Variants in METTL8 observed in about 807,000 individuals in gnomAD.
METTL8 encodes the protein tRNA N(3)-cytidine methyltransferase METTL8, mitochondrial.
In METTL8, 32 loss-of-function variants were observed where a neutral mutation model predicts 48.7. The ratio of observed to expected loss-of-function variants is 0.66; its 90% CI spans 0.50 to 0.88. The LOEUF (loss-of-function observed/expected upper bound fraction) is 0.88. Among genes scored for constraint, METTL8 ranks in the 40% least tolerant of loss-of-function variants. The probability of loss-of-function intolerance (pLI) is 0.00; values close to 1 mark genes in which losing one functional copy is unlikely to be tolerated. For missense variants in METTL8, 464 were observed against 474.4 expected (o/e 0.98, Z 0.20); for synonymous variants, 136 against 157.1 (o/e 0.87, Z 1.01).
At position 171,433,077 on chromosome 2, in the gene METTL8, C is replaced by G. The variant is rs892699580; in HGVS notation, c.-13+806G>C. 3.9e-5 allele frequency: 6 copies of G among 152,298 alleles called. No individual in the cohort carries two copies. The East Asian group carries it at 1.2e-3, about 29-fold the overall frequency. 9.4% of individuals were successfully genotyped at this position (152,298 alleles called of 1,614,324 possible). A position where few individuals can be genotyped will look rare whatever the true frequency, so the allele number is the denominator to read the frequency against. On this transcript the variant is annotated intron_variant, in intron 1 of 9. Coordinates refer to ENST00000375258, the MANE Select transcript of METTL8 (RefSeq NM_001321154.2). ...GTGGCTGAAGCCTATCCCCTCAGCT[C>G]AGGGTGCAAGGTGGGAACCAACCCT...
chr2:171,381,963 T>C (rs1687591801), intron 2 of METTL8, among the ~76,000 whole-genome samples: 1 of 152,072 alleles, frequency 6.6e-6, no homozygotes, highest in South Asian at 2.1e-4. Flanking sequence ...TTTGTATTTT[T>C]AGTAGAGACG....
intron 1 of METTL8, among the ~76,000 whole-genome samples, chr2:171,430,267 A>G (rs1692857052): frequency 6.6e-6 from 1 of 151,852 alleles, no homozygotes; most frequent in African/African-American, 2.4e-5. Flanking sequence ...CTGAGGCAGG[A>G]GAATCACTTG....
intron 3 of METTL8, among the ~76,000 whole-genome samples, chr2:171,357,178 C>T (rs573375562): frequency 1.3e-5 from 2 of 151,852 alleles, no homozygotes; most frequent in East Asian, 1.9e-4. Flanking sequence ...AGGCTGGTCT[C>T]GAACACCTGG....
rs756815632 is a variant in METTL8, at chr2:171,325,870, T to C, written c.1004A>G (p.Asp335Gly). Residue 335 changes from aspartate to glycine, a missense_variant, in exon 9 of 10, where the codon GAT (aspartate) becomes GGT (glycine). Transcript: ENST00000375258. Reference sequence around the variant, plus strand: ...TGTAAAGAAATATGCTCTGGTACCATCTCCTCGAACATAAAAATTTTCAGA... The same window carrying C: ...TGTAAAGAAATATGCTCTGGTACCACCTCCTCGAACATAAAAATTTTCAGA... ...CLSENFYVRG[D>G]GTRAYFFTKG... 6.3e-7 allele frequency: 1 copy of C among 1,599,290 alleles called. No homozygotes were observed.
intron 7 of METTL8, 116 bp downstream of exon 7, chr2:171,330,443 A>G (rs760003503): frequency 1.1e-5 from 11 of 965,682 alleles, no homozygotes; most frequent in Non-Finnish European, 1.6e-5. Flanking sequence ...TATTATACAT[A>G]ATGTTGCTCA....
intron 2 of METTL8, among the ~76,000 whole-genome samples, chr2:171,378,974 G>A (rs963052913): frequency 6.6e-6 from 1 of 152,110 alleles, no homozygotes; most frequent in South Asian, 2.1e-4. Flanking sequence ...AGTGCCATAT[G>A]GCACTTCCTC....
chr2:171,370,264 T>C (rs1686183111), intron 2 of METTL8, among the ~76,000 whole-genome samples: 1 of 152,184 alleles, frequency 6.6e-6, no homozygotes, highest in Admixed American at 6.5e-5. Flanking sequence ...GTCCAAACAT[T>C]ACTTTATTGT....
rs1684610475 is a variant in METTL8 at position 171,323,040 on chromosome 2, T to C, written c.*1132A>G. ...GCCGGCTTCTTCACTGCAACCTGTT[T>C]TATCAGCAAGGTCTGTATGACCTGT... On this transcript the variant is annotated 3_prime_UTR_variant, in exon 10 of 10. Transcript: ENST00000375258. 6.6e-6 allele frequency: 1 copy of C among 152,044 alleles called. No individual in the cohort carries two copies. The highest frequency in any genetic ancestry group is 2.4e-5 in the African/African-American group (1 of 41,392). 9.4% of individuals were successfully genotyped at this position (152,044 alleles called of 1,614,324 possible). A position where few individuals can be genotyped will look rare whatever the true frequency, so the allele number is the denominator to read the frequency against.
At chr2:171,364,716 T>G (rs1685542680) in intron 2 of METTL8, among the ~76,000 whole-genome samples, 1 of 152,210 alleles carries the variant, frequency 6.6e-6, no homozygotes, top group South Asian at 2.1e-4. Flanking sequence ...AGTTGGATAC[T>G]AAAGTTTTTG....
At chr2:171,414,095 A>T (rs1423011048) in intron 1 of METTL8, among the ~76,000 whole-genome samples, 1 of 152,184 alleles carries the variant, frequency 6.6e-6, no homozygotes, top group African/African-American at 2.4e-5. Context: ...TTGTACATGC[A>T]TAGAAAGGAA....
intron 2 of METTL8, among the ~76,000 whole-genome samples, chr2:171,377,404 A>G (rs1687083481): frequency 1.3e-5 from 2 of 152,254 alleles, no homozygotes; most frequent in East Asian, 3.8e-4. Flanking sequence ...AGTTAAGCTG[A>G]AAAGCTTCTG....
chr2:171,375,178 T>G, intron 2 of METTL8: 1 of 1,466,096 alleles, frequency 6.8e-7, no homozygotes, highest in Non-Finnish European at 9.4e-7. Flanking sequence ...CTTAATGGCC[T>G]TGTCCTTGGG....
At chr2:171,434,682 C>T (rs1357855686), upstream of METTL8, 3 of 1,503,000 alleles carry the variant, frequency 2.0e-6, no homozygotes, top group Non-Finnish European at 2.6e-6. Context: ...ACCTGGGCAT[C>T]CTGCGGGCGC....
In METTL8 at chr2:171,339,635, C is replaced by G. The variant is rs148555094; in HGVS notation, c.236-81G>C. ...AGCTACTGTCTTGATAATTGTTAAA[C>G]ATATACATTATCATTTATAACAATT... On this transcript the variant is annotated intron_variant, in intron 3 of 9. Transcript: ENST00000375258. 8.8e-5 allele frequency: 56 copies of G among 638,536 alleles called. No individual in the cohort carries two copies. In the East Asian group the frequency reaches 1.6e-3, roughly 18 times the overall value. 39.6% of individuals were successfully genotyped at this position (638,536 alleles called of 1,614,324 possible).
chr2:171,350,102 T>TC (rs1683726465), intron 3 of METTL8, among the ~76,000 whole-genome samples: 1 of 152,150 alleles, frequency 6.6e-6, no homozygotes. Flanking sequence ...CCTAATGCTA[T>TC]CCCTCCCCAC....
At chr2:171,404,920 C>T (rs1309560978) in intron 1 of METTL8, among the ~76,000 whole-genome samples, 4 of 152,152 alleles carry the variant, frequency 2.6e-5, no homozygotes, top group South Asian at 2.1e-4. Flanking sequence ...TGAGTATCAA[C>T]GAGGGCACAT....
intron 2 of METTL8, among the ~76,000 whole-genome samples, chr2:171,366,071 G>C (rs571364891): frequency 1.3e-4 from 20 of 152,278 alleles, no homozygotes; most frequent in African/African-American, 4.8e-4. Flanking sequence ...AAGTCTACAA[G>C]AGTTCTCCTA....
At chr2:171,377,204 G>C (rs1190759537) in intron 2 of METTL8, among the ~76,000 whole-genome samples, 1 of 152,098 alleles carries the variant, frequency 6.6e-6, no homozygotes, top group African/African-American at 2.4e-5. Flanking sequence ...ACCCAAGATG[G>C]ATCAAAGATT....
At chr2:171,371,237 A>C (rs569436736) in intron 2 of METTL8, among the ~76,000 whole-genome samples, 14 of 152,324 alleles carry the variant, frequency 9.2e-5, no homozygotes, top group African/African-American at 3.4e-4. Context: ...CTTCCTTTCT[A>C]CTATTGAGTC....
Sources: gnomAD v4.1 joint callset for allele counts (sites outside exome capture counted in the v4.1 genomes callset) on GRCh38, gnomAD v4.1.1 for gene constraint, MANE v1.5 for transcripts, NCBI Gene and HGNC (gene_info 2026-07-23, HGNC 2026-07-21) for gene names.